Variants in COL19A1 observed in about 807,000 individuals in gnomAD.
COL19A1 encodes the protein collagen type XIX alpha 1 chain, also known as collagen alpha-1(XIX) chain.
A neutral mutation model predicts 190.2 loss-of-function variants in COL19A1; 159 were observed. The observed-to-expected ratio is 0.84, with a 90% CI of 0.73 to 0.95. The LOEUF (loss-of-function observed/expected upper bound fraction) is 0.95, where lower values mean the gene tolerates loss of function less well. COL19A1 is among the 40% of genes least tolerant of loss of function. The pLI, the probability that COL19A1 is intolerant of heterozygous loss-of-function variation, is 0.00. For synonymous variants in COL19A1, 509 were observed against 458.9 expected (o/e 1.11, Z -1.39); for missense variants, 1,418 against 1,431.9 (o/e 0.99, Z 0.16).
At chr6:70,094,601 A>C (rs942271498) in intron 15 of COL19A1, among the ~76,000 whole-genome samples, 7 of 152,200 alleles carry the variant, frequency 4.6e-5, no homozygotes, top group African/African-American at 1.7e-4. Context: ...CTGTCAAATG[A>C]ATACCAATAG....
chr6:69,885,450 C>A (rs759055193), intron 2 of COL19A1, among the ~76,000 whole-genome samples: 4 of 152,110 alleles, frequency 2.6e-5, no homozygotes, highest in Middle Eastern at 3.2e-3. Context: ...GAATAACACA[C>A]CTATCACCTC....
intron 31 of COL19A1, among the ~76,000 whole-genome samples, chr6:70,154,300 A>T (rs999402814): frequency 6.6e-5 from 10 of 152,064 alleles, no homozygotes; most frequent in African/African-American, 2.4e-4. Context: ...ATCCTTTTTT[A>T]TGGCTGCATA....
chr6:69,946,614 A>G (rs1001506245), intron 9 of COL19A1, among the ~76,000 whole-genome samples: 2 of 151,912 alleles, frequency 1.3e-5, no homozygotes. Flanking sequence ...GTGCAAGCAA[A>G]AGCAACTCAT....
intron 2 of COL19A1, chr6:69,879,938 T>C (rs1189474491): frequency 7.0e-6 from 3 of 427,144 alleles, no homozygotes; most frequent in South Asian, 8.0e-5. Context: ...TGTGTATATA[T>C]GACATTATGT....
intron 14 of COL19A1, among the ~76,000 whole-genome samples, chr6:70,042,082 A>G (rs1012816493): frequency 5.9e-5 from 9 of 152,082 alleles, no homozygotes; most frequent in African/African-American, 2.2e-4. Flanking sequence ...ATAAAATAAA[A>G]TAAAATTTTA....
intron 16 of COL19A1, 79 bp from the exon 17 acceptor site, chr6:70,121,801 A>G (rs562989790): frequency 2.3e-6 from 2 of 888,806 alleles, no homozygotes; most frequent in Non-Finnish European, 3.5e-6. Flanking sequence ...TGATTTCAAG[A>G]GTTCTTAGAT....
chr6:69,899,886 G>A (rs1770049518), intron 3 of COL19A1, among the ~76,000 whole-genome samples: 1 of 152,150 alleles, frequency 6.6e-6, no homozygotes, highest in South Asian at 2.1e-4. Context: ...AAACTGAATG[G>A]CTGTACTATT....
intron 13 of COL19A1, 87 bp from the exon 14 acceptor site, chr6:70,035,817 T>C (rs1779322482): frequency 3.8e-6 from 4 of 1,048,024 alleles, no homozygotes; most frequent in Non-Finnish European, 5.8e-6. Context: ...TTTATCTCTA[T>C]ATATTGCTTC....
chr6:69,869,249 G>A (rs1328276883), intron 1 of COL19A1, among the ~76,000 whole-genome samples: 1 of 152,208 alleles, frequency 6.6e-6, no homozygotes, highest in Non-Finnish European at 1.5e-5. Context: ...TCCAAGCGGG[G>A]TGAAATCTGA....
intron 49 of COL19A1, among the ~76,000 whole-genome samples, chr6:70,204,084 C>T (rs865777005): frequency 3.3e-5 from 5 of 152,182 alleles, no homozygotes; most frequent in African/African-American, 1.2e-4. Context: ...TGGTCTTGAA[C>T]TCCTGACCTC....
chr6:70,064,707 A>G (rs929098110), intron 14 of COL19A1, among the ~76,000 whole-genome samples: 1 of 152,188 alleles, frequency 6.6e-6, no homozygotes, highest in Non-Finnish European at 1.5e-5. Context: ...TATATCTAGA[A>G]AACCCCATCG....
Position 70,161,586 on chromosome 6 carries a change from C to T in COL19A1, c.2293-314C>T, listed in dbSNP as rs144752752. 3.3e-3 allele frequency among the ~76,000 whole-genome samples: 509 copies of T among 152,144 alleles called. 2 individuals carry two copies. The highest frequency in any genetic ancestry group is 9.8e-3 in the African/African-American group (405 of 41,518). The stretch of plus-strand genomic sequence containing the variant: ...GAGGCCCAGAAGTGAGGAGTATAGG[C>T]GAGGTGTGAAGGATGAAAAACTACC... On this transcript the variant is annotated intron_variant, in intron 34 of 50. Transcript: ENST00000620364.
intron 11 of COL19A1, among the ~76,000 whole-genome samples, chr6:69,972,318 T>A (rs1048888824): frequency 2.0e-5 from 3 of 152,230 alleles, no homozygotes; most frequent in South Asian, 4.1e-4. Context: ...TTTATAATTA[T>A]AAATATACTG....
intron 16 of COL19A1, among the ~76,000 whole-genome samples, chr6:70,103,609 A>G (rs982405709): frequency 6.6e-6 from 1 of 152,046 alleles, no homozygotes; most frequent in Non-Finnish European, 1.5e-5. Context: ...TTCGCTTACT[A>G]TTTCAAAAAT....
chr6:70,165,197 G>A (rs1765073223), intron 36 of COL19A1, among the ~76,000 whole-genome samples: 1 of 152,156 alleles, frequency 6.6e-6, no homozygotes, highest in Non-Finnish European at 1.5e-5. Flanking sequence ...GACTTCAATA[G>A]CTCTGCTTAT....
chr6:69,895,573 C>T (rs1201910157), intron 2 of COL19A1, among the ~76,000 whole-genome samples: 2 of 152,130 alleles, frequency 1.3e-5, no homozygotes, highest in East Asian at 1.9e-4. Flanking sequence ...GAGCACTTCC[C>T]GCCAGACTGT....
chr6:69,997,106 C>T (rs549603585), intron 11 of COL19A1, among the ~76,000 whole-genome samples: 1 of 151,422 alleles, frequency 6.6e-6, no homozygotes, highest in Admixed American at 6.6e-5. Flanking sequence ...CACTGGGAAA[C>T]TTAATGCATA....
At chr6:70,118,752 A>G (rs1272993166) in intron 16 of COL19A1, among the ~76,000 whole-genome samples, 1 of 152,200 alleles carries the variant, frequency 6.6e-6, no homozygotes, top group Non-Finnish European at 1.5e-5. Context: ...TCTTGTGGAT[A>G]TTTGAATAAT....
intron 8 of COL19A1, among the ~76,000 whole-genome samples, chr6:69,937,569 G>A (rs888644841): frequency 5.9e-5 from 9 of 152,178 alleles, no homozygotes; most frequent in African/African-American, 1.9e-4. Context: ...CCTGAGGAAA[G>A]GAGAACTTGC....
Sources: gnomAD v4.1 joint callset for allele counts (sites outside exome capture counted in the v4.1 genomes callset) on GRCh38, gnomAD v4.1.1 for gene constraint, MANE v1.5 for transcripts, NCBI Gene and HGNC (gene_info 2026-07-23, HGNC 2026-07-21) for gene names.